The following CDC42BPA variants were observed in gnomAD, a reference collection of about 807,000 sequenced individuals.
CDC42BPA encodes the protein serine/threonine-protein kinase MRCK alpha.
CDC42BPA carries 80 observed loss-of-function variants against 223.5 expected under a neutral mutation model. The ratio of observed to expected loss-of-function variants is 0.36; its 90% CI spans 0.30 to 0.43. The LOEUF (loss-of-function observed/expected upper bound fraction) is 0.43, where lower values mean the gene tolerates loss of function less well. CDC42BPA is among the 20% of genes least tolerant of loss of function. The probability of loss-of-function intolerance (pLI) is 1.00; values close to 1 mark genes in which losing one functional copy is unlikely to be tolerated. For missense variants in CDC42BPA, 1,743 were observed against 2,099.9 expected (o/e 0.83, Z 3.32); for synonymous variants, 694 against 718.6 (o/e 0.97, Z 0.55).
chr1:227,196,902 G>A (rs1670853147), intron 4 of CDC42BPA, among the ~76,000 whole-genome samples: 1 of 152,120 alleles, frequency 6.6e-6, no homozygotes, highest in Non-Finnish European at 1.5e-5. Context: ...CTAGTGTTAT[G>A]TAAGTGATAA....
intron 2 of CDC42BPA, chr1:227,219,519 AATT>A (rs1238967942): frequency 3.9e-5 from 6 of 152,336 alleles, no homozygotes; most frequent in African/African-American, 1.4e-4. Flanking sequence ...GCTGAATTTC[AATT>A]ATATCTTGCT....
At chr1:227,295,008 G>A (rs945647935) in intron 1 of CDC42BPA, among the ~76,000 whole-genome samples, 8 of 150,452 alleles carry the variant, frequency 5.3e-5, no homozygotes, top group South Asian at 4.2e-4. Context: ...AATATTCAAC[G>A]GGTTAGCACA....
At chr1:227,195,704 T>TATA (rs35325945) in intron 4 of CDC42BPA, among the ~76,000 whole-genome samples, 137,024 of 151,944 alleles carry the variant, frequency 0.9, 62,231 homozygotes, top group Middle Eastern at 0.96. Flanking sequence ...CCTATATTAT[T>TATA]ATATCATATT....
intron 26 of CDC42BPA, among the ~76,000 whole-genome samples, chr1:227,034,368 A>G (rs1669857103): frequency 6.6e-6 from 1 of 152,172 alleles, no homozygotes; most frequent in South Asian, 2.1e-4. Flanking sequence ...ATGTGATAAT[A>G]TAAACTTCAC....
At chr1:227,289,500 C>T (rs1225615890) in intron 1 of CDC42BPA, among the ~76,000 whole-genome samples, 2 of 152,158 alleles carry the variant, frequency 1.3e-5, no homozygotes, top group Non-Finnish European at 2.9e-5. Context: ...GTCACAGCAT[C>T]CTCTTATTTT....
chr1:227,024,637 T>G (rs1374717819), intron 31 of CDC42BPA, among the ~76,000 whole-genome samples: 1 of 152,122 alleles, frequency 6.6e-6, no homozygotes, highest in Non-Finnish European at 1.5e-5. Context: ...TATAACAACA[T>G]GAACGAATGA....
chr1:227,007,548 T>C (rs899684094), intron 34 of CDC42BPA, among the ~76,000 whole-genome samples: 1 of 152,242 alleles, frequency 6.6e-6, no homozygotes, highest in African/African-American at 2.4e-5. Flanking sequence ...TTGATGATAC[T>C]GTATCATGCT....
At chr1:227,221,701 C>T (rs1675934222) in intron 2 of CDC42BPA, among the ~76,000 whole-genome samples, 1 of 151,188 alleles carries the variant, frequency 6.6e-6, no homozygotes, top group African/African-American at 2.4e-5. Flanking sequence ...GAAAACAATA[C>T]TCCAAAATGA....
At chr1:227,122,653 T>C (rs923315022) in intron 11 of CDC42BPA, among the ~76,000 whole-genome samples, 2 of 152,196 alleles carry the variant, frequency 1.3e-5, no homozygotes, top group Admixed American at 6.5e-5. Context: ...ATGTGAATTA[T>C]GAGAAGTAAA....
At chr1:227,046,903 T>A (rs1672557571) in intron 23 of CDC42BPA, among the ~76,000 whole-genome samples, 1 of 152,162 alleles carries the variant, frequency 6.6e-6, no homozygotes, top group African/African-American at 2.4e-5. Flanking sequence ...ACTGCTGTTG[T>A]TTTTAGCATA....
intron 2 of CDC42BPA, among the ~76,000 whole-genome samples, chr1:227,240,172 T>C (rs1411224319): frequency 2.0e-5 from 3 of 152,082 alleles, no homozygotes; most frequent in Non-Finnish European, 1.5e-5. Context: ...AAAGATATCA[T>C]TTATCAGAGT....
intron 25 of CDC42BPA, among the ~76,000 whole-genome samples, chr1:227,035,262 G>A (rs16846855): frequency 0.15 from 23,475 of 151,942 alleles, 2,201 homozygotes; most frequent in African/African-American, 0.25. Context: ...GGAACAATAT[G>A]GAAAAACTTG....
At chr1:227,157,374 T>C (rs1368322431) in intron 6 of CDC42BPA, among the ~76,000 whole-genome samples, 1 of 152,210 alleles carries the variant, frequency 6.6e-6, no homozygotes, top group Non-Finnish European at 1.5e-5. Context: ...ATATTTTTCT[T>C]AATACAGAAA....
intron 1 of CDC42BPA, among the ~76,000 whole-genome samples, chr1:227,283,843 G>A (rs1688387839): frequency 2.6e-5 from 4 of 152,208 alleles, no homozygotes; most frequent in Non-Finnish European, 5.9e-5. Context: ...GGCCAGGGCA[G>A]GCAGTTCACT....
At chr1:227,231,573 G>A (rs1677968763) in intron 2 of CDC42BPA, among the ~76,000 whole-genome samples, 1 of 151,978 alleles carries the variant, frequency 6.6e-6, no homozygotes, top group African/African-American at 2.4e-5. Context: ...CTTCCACAAT[G>A]ATTGAACTAG....
chr1:227,015,422 C>CA (rs139422080), intron 34 of CDC42BPA, among the ~76,000 whole-genome samples: 51,802 of 151,056 alleles, frequency 0.34, 10,253 homozygotes, highest in Non-Finnish European at 0.46. Context: ...GACTCCATCT[C>CA]AAAAAAAGAA....
intron 1 of CDC42BPA, among the ~76,000 whole-genome samples, chr1:227,302,649 G>T (rs1691843373): frequency 6.6e-6 from 1 of 152,040 alleles, no homozygotes; most frequent in Non-Finnish European, 1.5e-5. Flanking sequence ...CTTCTATCTA[G>T]GAACTCGTGT....
At chr1:227,204,065 C>T (rs1422997800) in intron 3 of CDC42BPA, among the ~76,000 whole-genome samples, 1 of 152,180 alleles carries the variant, frequency 6.6e-6, no homozygotes, top group Non-Finnish European at 1.5e-5. Flanking sequence ...CTTCACTCTT[C>T]CATAGAATAC....
chr1:227,288,356 C>T (rs1049123164), intron 1 of CDC42BPA, among the ~76,000 whole-genome samples: 2 of 151,860 alleles, frequency 1.3e-5, no homozygotes, highest in African/African-American at 4.8e-5. Flanking sequence ...GCCTGGGCAA[C>T]AGAGGGAGAT....
Sources: gnomAD v4.1 joint callset for allele counts (sites outside exome capture counted in the v4.1 genomes callset) on GRCh38, gnomAD v4.1.1 for gene constraint, MANE v1.5 for transcripts, NCBI Gene and HGNC (gene_info 2026-07-23, HGNC 2026-07-21) for gene names.